FOCAD: variants seen among roughly 807,000 people sequenced by gnomAD.
The protein encoded by FOCAD is focadhesin.
A neutral mutation model predicts 225.6 loss-of-function variants in FOCAD; 198 were observed. The ratio of observed to expected loss-of-function variants is 0.88; its 90% CI spans 0.78 to 0.99. The LOEUF (loss-of-function observed/expected upper bound fraction) is 0.99, where lower values mean the gene tolerates loss of function less well. Among genes scored for constraint, FOCAD ranks in the 50% least tolerant of loss-of-function variants. The pLI is 0.00. For synonymous variants in FOCAD, 897 were observed against 755.0 expected (o/e 1.19, Z -3.08); for missense variants, 2,713 against 2,123.6 (o/e 1.28, Z -5.46).
intron 1 of FOCAD, among the ~76,000 whole-genome samples, chr9:20,711,913 G>C (rs1212913620): frequency 6.6e-6 from 1 of 152,140 alleles, no homozygotes; most frequent in Non-Finnish European, 1.5e-5. Flanking sequence ...GTGGACAGAG[G>C]AACAGGAGGA....
chr9:20,885,340 G>T (rs1023895653), intron 21 of FOCAD, 110 bp downstream of exon 21: 12 of 1,134,758 alleles, frequency 1.1e-5, no homozygotes, highest in Non-Finnish European at 3.4e-6. Flanking sequence ...AATGTAAGTT[G>T]CTTTTAAAGG....
chr9:20,720,230 T>A, intron 3 of FOCAD, 150 bp from the exon 4 acceptor site: 1 of 752,808 alleles, frequency 1.3e-6, no homozygotes. Flanking sequence ...GACTTCATTT[T>A]ATTCTAGGAA....
At position 20,993,245 on chromosome 9, in the gene FOCAD, T is replaced by C; in HGVS notation, c.5257-8T>C. The C allele has an allele frequency of 6.2e-7, 1 of 1,611,966 alleles. No individual in the cohort carries two copies. Among genetic ancestry groups the C allele is most frequent in the South Asian group, 1.1e-5 (1 of 91,042 alleles). On this transcript the variant is annotated splice_polypyrimidine_tract_variant and splice_region_variant and intron_variant, in intron 42 of 43. Transcript: ENST00000338382. ...CTTCTTTGACACTATTTTTCATTTT[T>C]ACCCTAGTTCATTGACTGGCTATTC...
intron 2 of FOCAD, among the ~76,000 whole-genome samples, chr9:20,662,205 T>C (rs1338687393): frequency 9.2e-6 from 1 of 109,122 alleles, no homozygotes; most frequent in Non-Finnish European, 2.2e-5. Flanking sequence ...TGTGCATATA[T>C]GTGTGTGTGT....
chr9:20,971,440 A>AT lies in FOCAD; in HGVS notation c.4133-4972dup, dbSNP rs370107031. Among the ~76,000 whole-genome samples the AT allele has an allele frequency of 1.2e-3, 179 of 150,556 alleles. 1 individual carries two copies. The highest frequency in any genetic ancestry group is 3.7e-3 in the African/African-American group (151 of 41,016). ...TTTACCCTCATAACCATTTTTTTTT[A>AT]TTTTTTTTGGTGGGGGAGGACAGAG... On this transcript the variant is annotated intron_variant, in intron 35 of 43. Coordinates refer to ENST00000338382, the MANE Select transcript of FOCAD (RefSeq NM_001375567.1).
At chr9:20,841,974 A>G (rs781721623) in intron 15 of FOCAD, among the ~76,000 whole-genome samples, 27 of 152,080 alleles carry the variant, frequency 1.8e-4, no homozygotes, top group South Asian at 8.3e-4. Flanking sequence ...GTTTCAAGAA[A>G]TTTAAAAATT....
chr9:20,720,653 A>G lies in FOCAD; in HGVS notation c.287+119A>G, dbSNP rs368874115. On this transcript the variant is annotated intron_variant, in intron 4 of 43. Transcript: ENST00000338382. ...TGCCAGTTGTTTTTCTTGCTCTTAA[A>G]ATGTCATGAGTTGCTGTTTCATATA... 74 of 977,476 alleles carry G rather than the reference A, an allele frequency of 7.6e-5. No homozygotes were observed. In the African/African-American group the frequency reaches 1.1e-3, roughly 14 times the overall value. 60.6% of individuals were successfully genotyped at this position (977,476 alleles called of 1,614,324 possible). A position where few individuals can be genotyped will look rare whatever the true frequency, so the allele number is the denominator to read the frequency against.
chr9:20,987,709 G>T (rs1045391785), intron 40 of FOCAD, among the ~76,000 whole-genome samples: 1 of 152,138 alleles, frequency 6.6e-6, no homozygotes, highest in African/African-American at 2.4e-5. Flanking sequence ...GCAATAAACT[G>T]AAATAAATTT....
chr9:20,702,099 GTTA>G (rs111348108), intron 1 of FOCAD, among the ~76,000 whole-genome samples: 8 of 150,962 alleles, frequency 5.3e-5, no homozygotes, highest in Admixed American at 6.6e-5. Context: ...TATTGTTATT[GTTA>G]TTATTATTAT....
intron 5 of FOCAD, among the ~76,000 whole-genome samples, chr9:20,745,620 T>C: frequency 6.6e-6 from 1 of 152,200 alleles, no homozygotes; most frequent in East Asian, 1.9e-4. Flanking sequence ...TTTAAAGATC[T>C]CTCTTCCCTC....
At chr9:20,945,373 G>A (rs6475491) in intron 29 of FOCAD, among the ~76,000 whole-genome samples, 97,360 of 152,036 alleles carry the variant, frequency 0.64, 31,616 homozygotes, top group South Asian at 0.7. Flanking sequence ...TGGACCGCTT[G>A]TACTCTTCTT....
intron 30 of FOCAD, among the ~76,000 whole-genome samples, chr9:20,947,105 A>C (rs918687116): frequency 1.3e-5 from 2 of 152,164 alleles, no homozygotes; most frequent in African/African-American, 4.8e-5. Context: ...AAGATCATAA[A>C]ATATATGGCT....
At chr9:20,810,405 T>C (rs1239417462) in intron 11 of FOCAD, among the ~76,000 whole-genome samples, 4 of 152,094 alleles carry the variant, frequency 2.6e-5, no homozygotes, top group Non-Finnish European at 5.9e-5. Context: ...TAGTAGAAAT[T>C]GCACCTAATT....
chr9:20,837,092 C>T (rs1826061543), intron 15 of FOCAD, among the ~76,000 whole-genome samples: 1 of 152,086 alleles, frequency 6.6e-6, no homozygotes, highest in African/African-American at 2.4e-5. Flanking sequence ...TGAAAATTTA[C>T]AATCTCAACT....
rs149661262 is a variant in FOCAD at position 20,720,524 on chromosome 9, C to G, written c.277C>G (p.Pro93Ala). Residue 93 changes from proline to alanine, a missense_variant, in exon 4 of 44, where the codon CCA becomes GCA. Transcript: ENST00000338382. ...TCTCAATGGGATACTCAACTTGATTCCATCAACCAGGTACTTTTTCCTCAG... is the reference window on the plus strand; with the variant it reads ...TCTCAATGGGATACTCAACTTGATTGCATCAACCAGGTACTTTTTCCTCAG... ...YVLNGILNLIPSTRNTHGLIK... is the reference protein window; with the variant it reads ...YVLNGILNLIASTRNTHGLIK... The G allele has an allele frequency of 6.2e-7, 1 of 1,613,528 alleles. No homozygotes were observed. The highest frequency in any genetic ancestry group is 1.3e-5 in the African/African-American group (1 of 74,866).
At chr9:20,728,301 G>C (rs181379526) in intron 4 of FOCAD, among the ~76,000 whole-genome samples, 1 of 152,006 alleles carries the variant, frequency 6.6e-6, no homozygotes, top group African/African-American at 2.4e-5. Flanking sequence ...GAGATATCTT[G>C]GATAGACCCA....
Position 20,970,635 on chromosome 9 carries a change from T to G in FOCAD, c.4133-5785T>G, listed in dbSNP as rs79125579. Among the ~76,000 whole-genome samples the G allele has an allele frequency of 6.8e-3, 1,031 of 152,264 alleles. 12 individuals carry two copies. The highest frequency in any genetic ancestry group is 0.023 in the African/African-American group (974 of 41,558). ...GTCCATAATTTTCTTTAGCTGAATA[T>G]ATTTAAGAGAGTTGCTTTCAAGTCT... On this transcript the variant is annotated intron_variant, in intron 35 of 43. Transcript: ENST00000338382.
chr9:20,993,065 A>G lies in FOCAD; in HGVS notation c.5257-188A>G, dbSNP rs1158913718. ...AATGGGAGCTGTATCCAACTTTACC[A>G]TATCTTATGCTTGGTCCCTGTCTCA... is the stretch of plus-strand genomic sequence containing the variant. On this transcript the variant is annotated intron_variant, in intron 42 of 43. Transcript: ENST00000338382. 6.6e-5 allele frequency among the ~76,000 whole-genome samples: 10 copies of G among 152,008 alleles called. 1 individual carries two copies. The highest frequency in any genetic ancestry group is 6.5e-4 in the Admixed American group (10 of 15,272).
At chr9:20,809,129 G>A (rs1267667290) in intron 11 of FOCAD, among the ~76,000 whole-genome samples, 4 of 152,188 alleles carry the variant, frequency 2.6e-5, no homozygotes, top group East Asian at 1.9e-4. Context: ...GGAGGCTGCC[G>A]GTGTTCACAG....
Sources: allele counts gnomAD v4.1 joint callset (sites outside exome capture counted in the v4.1 genomes callset), GRCh38; gene constraint gnomAD v4.1.1; transcripts MANE v1.5; gene names NCBI Gene and HGNC (gene_info 2026-07-23, HGNC 2026-07-21).